Variants in CMBL observed in about 807,000 individuals in gnomAD.
CMBL encodes the protein carboxymethylenebutenolidase homolog (Pseudomonas).
In CMBL, 17 loss-of-function variants were observed where a neutral mutation model predicts 28.7. That is an observed-to-expected ratio of 0.59 (90% CI 0.41 to 0.89). The LOEUF (loss-of-function observed/expected upper bound fraction) is 0.89, where lower values mean the gene tolerates loss of function less well. Ranked by LOEUF, CMBL falls within the 40% of genes least tolerant of loss-of-function variation. CMBL has a pLI of 0.00. For missense variants in CMBL, 310 were observed against 298.5 expected (o/e 1.04, Z -0.28); for synonymous variants, 106 against 101.6 (o/e 1.04, Z -0.26).
At chr5:10,283,234 A>G (rs1293602832) in intron 4 of CMBL, among the ~76,000 whole-genome samples, 1 of 152,198 alleles carries the variant, frequency 6.6e-6, no homozygotes, top group Non-Finnish European at 1.5e-5. Context: ...CTTAGTATGG[A>G]AAGATGCGGA....
chr5:10,299,610 C>T (rs113625053), intron 1 of CMBL, among the ~76,000 whole-genome samples: 9,497 of 150,342 alleles, frequency 0.063, 378 homozygotes, highest in Admixed American at 0.11. Flanking sequence ...AGGCCAAGGC[C>T]GGGGGGATCA....
chr5:10,294,713 G>A (rs749933007), intron 1 of CMBL, among the ~76,000 whole-genome samples: 4 of 152,246 alleles, frequency 2.6e-5, no homozygotes, highest in South Asian at 2.1e-4. Flanking sequence ...GTGAGAGGGC[G>A]GGAATGGTCA....
chr5:10,290,003 G>T (rs1746677242), intron 2 of CMBL, among the ~76,000 whole-genome samples: 3 of 152,188 alleles, frequency 2.0e-5, no homozygotes, highest in African/African-American at 7.2e-5. Context: ...TATCAGCCTT[G>T]GCCAAAGGTG....
intron 1 of CMBL, chr5:10,292,067 G>T (rs1383373268): frequency 6.6e-6 from 1 of 152,232 alleles, no homozygotes; most frequent in East Asian, 1.9e-4. Context: ...GGCGGCGAAA[G>T]TGGGAGTAGT....
At chr5:10,283,418 C>T (rs6871279) in intron 4 of CMBL, among the ~76,000 whole-genome samples, 83,456 of 151,948 alleles carry the variant, frequency 0.55, 25,425 homozygotes, top group Non-Finnish European at 0.7. Context: ...TTTAGACTCG[C>T]ACCAGACCAC....
chr5:10,281,801 T>C (rs771463408), intron 5 of CMBL, among the ~76,000 whole-genome samples: 3 of 152,200 alleles, frequency 2.0e-5, no homozygotes, highest in Admixed American at 6.5e-5. Flanking sequence ...TTGGAAATAT[T>C]TGGAGCAACA....
intron 3 of CMBL, among the ~76,000 whole-genome samples, chr5:10,287,238 C>T (rs114938121): frequency 0.021 from 3,244 of 152,250 alleles, 110 homozygotes; most frequent in African/African-American, 0.071. Context: ...GCAACCGAAG[C>T]GCCCATTGAC....
chr5:10,299,825 G>A (rs1011554793), intron 1 of CMBL, among the ~76,000 whole-genome samples: 5 of 151,998 alleles, frequency 3.3e-5, no homozygotes, highest in African/African-American at 1.2e-4. Context: ...TTAAGAGTGA[G>A]ACCCTATCTA....
At position 10,289,089 on chromosome 5, in the gene CMBL, G is replaced by A. The variant is rs1746658718; in HGVS notation, c.216-560C>T. Among the ~76,000 whole-genome samples the A allele has an allele frequency of 6.6e-6, 1 of 152,200 alleles. No homozygotes were observed. Among genetic ancestry groups the A allele is most frequent in the African/African-American group, 2.4e-5 (1 of 41,456 alleles). On this transcript the variant is annotated intron_variant, in intron 2 of 5. Transcript: ENST00000296658. This position sits in a 1 kb window ranked among gnomAD's most constrained non-coding sequence, Gnocchi z 4.3. ...GCCCCAGTCCAGGTCGCTCTTCCAT[G>A]CAAGTCAACCCAGAGGGATAGAGCC...
intron 3 of CMBL, among the ~76,000 whole-genome samples, chr5:10,287,691 A>C (rs986317729): frequency 6.6e-6 from 1 of 151,496 alleles, no homozygotes; most frequent in African/African-American, 2.4e-5. Flanking sequence ...TCTCTATTTT[A>C]TTTTAAAATT....
intron 1 of CMBL, among the ~76,000 whole-genome samples, chr5:10,293,106 T>G (rs1461813992): frequency 6.6e-6 from 1 of 152,146 alleles, no homozygotes; most frequent in Non-Finnish European, 1.5e-5. Context: ...CTTGATACAA[T>G]CAATACAGCA....
intron 1 of CMBL, among the ~76,000 whole-genome samples, chr5:10,299,841 AAGAG>A (rs374515471): frequency 2.6e-5 from 4 of 151,566 alleles, no homozygotes; most frequent in South Asian, 2.1e-4. Flanking sequence ...ATCTAAAAAA[AAGAG>A]AGAGAGAGAG....
chr5:10,293,573 CAAGAATAGCCACA>C (rs1746761717), intron 1 of CMBL, among the ~76,000 whole-genome samples: 2 of 152,108 alleles, frequency 1.3e-5, no homozygotes, highest in Non-Finnish European at 2.9e-5. Context: ...AGGTAAGAAA[CAAGAATAGCCACA>C]ATAACTGAAA....
At chr5:10,305,716 C>T (rs1579479652) in intron 1 of CMBL, among the ~76,000 whole-genome samples, 1 of 152,130 alleles carries the variant, frequency 6.6e-6, no homozygotes, top group East Asian at 1.9e-4. Flanking sequence ...GGATTATAGG[C>T]ACATGCCACC....
Position 10,280,233 on chromosome 5 carries a change from C to G in CMBL, c.*220G>C. ...GAATTACAGGCATGAGGCACTACAC[C>G]TGGTCAGACCTTGTTTTTAAATTAT... is the stretch of plus-strand genomic sequence containing the variant. On this transcript the variant is annotated 3_prime_UTR_variant, in exon 6 of 6. Transcript: ENST00000296658. The G allele has an allele frequency of 2.4e-6, 1 of 414,000 alleles. No homozygotes were observed. The highest frequency in any genetic ancestry group is 4.3e-6 in the Non-Finnish European group (1 of 231,800). The allele number at this position is 414,000 out of a possible 1,614,324, so 25.6% of individuals were successfully genotyped here. A position where few individuals can be genotyped will look rare whatever the true frequency, so the allele number is the denominator to read the frequency against.
At chr5:10,295,733 CCT>C (rs2126556366) in intron 1 of CMBL, among the ~76,000 whole-genome samples, 1 of 152,314 alleles carries the variant, frequency 6.6e-6, no homozygotes, top group East Asian at 1.9e-4. Context: ...TCTGCCAGCG[CCT>C]CGATCTTGGA....
chr5:10,287,718 C>A (rs182314678), intron 3 of CMBL, among the ~76,000 whole-genome samples: 6 of 148,086 alleles, frequency 4.1e-5, no homozygotes, highest in African/African-American at 1.5e-4. Flanking sequence ...TAATTAATTT[C>A]TTTTTTTTTT....
chr5:10,284,616 G>A (rs1041058513), intron 4 of CMBL, among the ~76,000 whole-genome samples: 4 of 152,204 alleles, frequency 2.6e-5, no homozygotes, highest in Non-Finnish European at 4.4e-5. Context: ...TAGGCCTTGC[G>A]TTAGATGATT....
chr5:10,282,365 T>A, intron 4 of CMBL, 77 bp from the exon 5 acceptor site: 1 of 808,998 alleles, frequency 1.2e-6, no homozygotes, highest in South Asian at 1.5e-5. Flanking sequence ...TGCCGCATGA[T>A]CCCCACACTC....
Sources: gnomAD v4.1 joint callset for allele counts (sites outside exome capture counted in the v4.1 genomes callset) on GRCh38, gnomAD v4.1.1 for gene constraint, Gnocchi (gnomAD v3.1) non-coding constraint, MANE v1.5 for transcripts, NCBI Gene and HGNC (gene_info 2026-07-23, HGNC 2026-07-21) for gene names.